BMPR2: variants seen among roughly 807,000 people sequenced by gnomAD.
BMPR2 encodes the protein bone morphogenetic protein receptor type 2.
Under a neutral mutation model 100.8 loss-of-function variants are expected in BMPR2, and 29 were observed. The observed-to-expected ratio is 0.29, with a 90% CI of 0.21 to 0.39. The LOEUF (loss-of-function observed/expected upper bound fraction) is 0.39. Ranked by LOEUF, BMPR2 falls within the 10% of genes least tolerant of loss-of-function variation. The probability of loss-of-function intolerance (pLI) is 1.00; values close to 1 mark genes in which losing one functional copy is unlikely to be tolerated. For synonymous variants in BMPR2, 382 were observed against 442.3 expected (o/e 0.86, Z 1.71); for missense variants, 1,011 against 1,274.5 (o/e 0.79, Z 3.15).
chr2:202,526,185 G>A (rs1214161963), intron 7 of BMPR2, among the ~76,000 whole-genome samples: 3 of 151,880 alleles, frequency 2.0e-5, no homozygotes, highest in South Asian at 2.1e-4. Flanking sequence ...TCTTTAATAC[G>A]TTTGCTTTCT....
In BMPR2 at chr2:202,552,904, G is replaced by T. The variant is rs1211346297; in HGVS notation, c.1586+16G>T. 6.2e-7 allele frequency: 1 copy of T among 1,613,972 alleles called. No individual in the cohort carries two copies. The highest frequency in any genetic ancestry group is 8.5e-7 in the Non-Finnish European group (1 of 1,179,958). On this transcript the variant is annotated intron_variant, in intron 11 of 12. Transcript: ENST00000374580. The stretch of plus-strand genomic sequence containing the variant: ...AGAATGAACGGTAAGACCCTAAGGG[G>T]TGTGGCATCTATCAATCAGTATTAG...
intron 9 of BMPR2, among the ~76,000 whole-genome samples, chr2:202,534,405 G>C (rs577553737): frequency 6.6e-6 from 1 of 151,778 alleles, no homozygotes; most frequent in African/African-American, 2.4e-5. Context: ...AGGACCCTGC[G>C]GCCTTCCGCA....
At chr2:202,507,281 A>G (rs1292558179) in intron 3 of BMPR2, among the ~76,000 whole-genome samples, 1 of 152,124 alleles carries the variant, frequency 6.6e-6, no homozygotes, top group East Asian at 1.9e-4. Flanking sequence ...AGAAAAGGTT[A>G]TGATTTTTAG....
At position 202,454,488 on chromosome 2, in the gene BMPR2, G is replaced by A. The variant is rs990972550; in HGVS notation, c.77-10321G>A. On this transcript the variant is annotated intron_variant, in intron 1 of 12. Transcript: ENST00000374580. ...AATCGGGGATAAAGCCAAGAGGCCT[G>A]GTATTTGATTTTCGGTAACAGTCTA... is the stretch of plus-strand genomic sequence containing the variant. Among the ~76,000 whole-genome samples the A allele has an allele frequency of 4.8e-4, 73 of 152,046 alleles. 1 individual carries two copies. Among genetic ancestry groups the A allele is most frequent in the Non-Finnish European group, 4.4e-5 (3 of 68,032 alleles).
chr2:202,445,818 A>G (rs1200018370), intron 1 of BMPR2, among the ~76,000 whole-genome samples: 2 of 128,022 alleles, frequency 1.6e-5, no homozygotes, highest in Non-Finnish European at 3.1e-5. Context: ...TCTGTCGCCC[A>G]GGCTGGAGTG....
chr2:202,377,510 C>T lies in BMPR2; in HGVS notation c.36C>T (p.Pro12=). Reference sequence around the variant, plus strand: ...CGCTGCAGCGGCCCTGGCGGGTGCCCTGGCTACCATGGACCATCCTGCTGG... The same window carrying T: ...CGCTGCAGCGGCCCTGGCGGGTGCCTTGGCTACCATGGACCATCCTGCTGG... ...TSSLQRPWRV[P]WLPWTILLVS... is the part of the protein sequence containing the mutation. Residue 12 remains proline (P), a synonymous_variant, in exon 1 of 13, where the codon CCC becomes CCT. Transcript: ENST00000374580. 1 of 1,614,246 alleles carries T rather than the reference C, an allele frequency of 6.2e-7. No individual in the cohort carries two copies. Among genetic ancestry groups the T allele is most frequent in the African/African-American group, 1.3e-5 (1 of 75,070 alleles).
At chr2:202,444,021 C>T (rs1691800309) in intron 1 of BMPR2, among the ~76,000 whole-genome samples, 1 of 150,590 alleles carries the variant, frequency 6.6e-6, no homozygotes, top group Non-Finnish European at 1.5e-5. Flanking sequence ...AGTGGTACTA[C>T]CACCGGTTGT....
intron 2 of BMPR2, among the ~76,000 whole-genome samples, 180 bp from the exon 3 acceptor site, chr2:202,467,339 G>A (rs1692345122): frequency 1.3e-5 from 2 of 152,218 alleles, no homozygotes; most frequent in South Asian, 4.2e-4. Flanking sequence ...CCCATGAAAT[G>A]TCTTTGGTAT....
At chr2:202,469,217 G>A (rs746302131) in intron 3 of BMPR2, among the ~76,000 whole-genome samples, 2 of 151,806 alleles carry the variant, frequency 1.3e-5, no homozygotes, top group East Asian at 3.9e-4. Flanking sequence ...TAGTAGAGAC[G>A]GGGTTTCTCC....
chr2:202,411,251 A>G (rs1691008410), intron 1 of BMPR2, among the ~76,000 whole-genome samples: 1 of 152,242 alleles, frequency 6.6e-6, no homozygotes, highest in South Asian at 2.1e-4. Flanking sequence ...CATCTGTCAG[A>G]AGACAAAAAT....
chr2:202,556,959 T>A (rs969538031), intron 12 of BMPR2, among the ~76,000 whole-genome samples: 1 of 151,552 alleles, frequency 6.6e-6, no homozygotes, highest in Non-Finnish European at 1.5e-5. Context: ...GGCGTGCACC[T>A]GTAATCCCAG....
rs186336846 is a variant in BMPR2 at position 202,524,284 on chromosome 2, C to T, written c.967+4083C>T. Among the ~76,000 whole-genome samples the T allele has an allele frequency of 6.3e-3, 951 of 151,940 alleles. 11 individuals are homozygous for T. Among genetic ancestry groups the T allele is most frequent in the Non-Finnish European group, 9.3e-3 (633 of 67,930 alleles). Reference sequence around the variant, plus strand: ...GGCTGAGGCAGGAGAATGCCATGAACCCGGTACGCGGGGCTTGCAGTGAGC... The same window carrying T: ...GGCTGAGGCAGGAGAATGCCATGAATCCGGTACGCGGGGCTTGCAGTGAGC... On this transcript the variant is annotated intron_variant, in intron 7 of 12. Coordinates refer to ENST00000374580, the MANE Select transcript of BMPR2 (RefSeq NM_001204.7).
intron 3 of BMPR2, among the ~76,000 whole-genome samples, chr2:202,496,649 T>A (rs898301371): frequency 1.2e-4 from 18 of 152,272 alleles, no homozygotes; most frequent in Non-Finnish European, 2.2e-4. Flanking sequence ...ACCTCATTTC[T>A]GTTCCTTATT....
In BMPR2 at chr2:202,559,208, G is replaced by A. The variant is rs183446313; in HGVS notation, c.2867-488G>A. On this transcript the variant is annotated intron_variant, in intron 12 of 12. Coordinates refer to ENST00000374580, the MANE Select transcript of BMPR2 (RefSeq NM_001204.7). ...TCCCGGCTACTTGAGAGGCTGAGGC[G>A]TGAGAATCACTTGAGCCCGGGAAAC... Among the ~76,000 whole-genome samples the A allele has an allele frequency of 2.6e-5, 4 of 151,216 alleles. No homozygotes were observed. The East Asian group carries it at 7.9e-4, about 30-fold the overall frequency.
chr2:202,425,638 T>C (rs892099168), intron 1 of BMPR2, among the ~76,000 whole-genome samples: 2 of 151,680 alleles, frequency 1.3e-5, no homozygotes, highest in African/African-American at 2.4e-5. Context: ...TGAGTGGGAG[T>C]TGGAAGATAG....
chr2:202,517,238 AT>A (rs768470892), intron 5 of BMPR2, among the ~76,000 whole-genome samples: 2 of 149,006 alleles, frequency 1.3e-5, no homozygotes, highest in Non-Finnish European at 1.5e-5. Flanking sequence ...AAAAAAAAAG[AT>A]TTTTTTTTGT....
At chr2:202,487,802 G>C (rs2105979110) in intron 3 of BMPR2, among the ~76,000 whole-genome samples, 1 of 152,262 alleles carries the variant, frequency 6.6e-6, no homozygotes, top group East Asian at 1.9e-4. Context: ...CAGTTTGGAG[G>C]CCCTTGAAAA....
intron 1 of BMPR2, among the ~76,000 whole-genome samples, chr2:202,428,084 T>A (rs1262625632): frequency 6.6e-6 from 1 of 152,184 alleles, no homozygotes; most frequent in Non-Finnish European, 1.5e-5. Flanking sequence ...CCCCTAGGGG[T>A]AACTGCAATT....
chr2:202,392,106 C>T (rs1338898583), intron 1 of BMPR2, among the ~76,000 whole-genome samples: 1 of 149,458 alleles, frequency 6.7e-6, no homozygotes, highest in Non-Finnish European at 1.5e-5. Context: ...GTCTCGCTCT[C>T]GTCCCCCAGG....
Sources: gnomAD v4.1 joint callset for allele counts (sites outside exome capture counted in the v4.1 genomes callset) on GRCh38, gnomAD v4.1.1 for gene constraint, MANE v1.5 for transcripts, NCBI Gene and HGNC (gene_info 2026-07-23, HGNC 2026-07-21) for gene names.